Variants in FAM178B observed in about 807,000 individuals in gnomAD.
FAM178B encodes the protein family with sequence similarity 178 member B.
A neutral mutation model predicts 91.7 loss-of-function variants in FAM178B; 82 were observed. That is an observed-to-expected ratio of 0.89 (90% CI 0.75 to 1.07). The LOEUF (loss-of-function observed/expected upper bound fraction) is 1.07, where lower values mean the gene tolerates loss of function less well. Among genes scored for constraint, FAM178B ranks in the 50% least tolerant of loss-of-function variants. FAM178B has a pLI of 0.00. For synonymous variants in FAM178B, 368 were observed against 359.4 expected, an observed-to-expected ratio of 1.02 and a Z score of -0.27; for missense variants, 769 against 846.7, an observed-to-expected ratio of 0.91 and a Z score of 1.14.
At chr2:96,893,367 T>C (rs943714503) in intron 14 of FAM178B, among the ~76,000 whole-genome samples, 4 of 151,996 alleles carry the variant, frequency 2.6e-5, no homozygotes, top group African/African-American at 7.3e-5. Context: ...CTGGGGCACC[T>C]TGTTGCTCCT....
In FAM178B at chr2:96,932,128, G is replaced by A; in HGVS notation, c.1079-2808C>T. On this transcript the variant is annotated intron_variant, in intron 8 of 16. Transcript: ENST00000490605. ...CCAGGTGGGTTGGAACCTCCCGCCA[G>A]CAGCCTCAGACCCCAAGGAGGTTGT... Among the ~76,000 whole-genome samples the A allele has an allele frequency of 1.3e-5, 2 of 152,216 alleles. 1 individual carries two copies. Among genetic ancestry groups the A allele is most frequent in the Non-Finnish European group, 2.9e-5 (2 of 68,036 alleles).
chr2:96,976,034 T>A (rs948210088), intron 1 of FAM178B, among the ~76,000 whole-genome samples: 1 of 151,782 alleles, frequency 6.6e-6, no homozygotes, highest in Non-Finnish European at 1.5e-5. Context: ...ACATTCTTCC[T>A]AAGTACACAT....
chr2:96,894,400 G>C (rs57675226), intron 13 of FAM178B, among the ~76,000 whole-genome samples: 1 of 86,154 alleles, frequency 1.2e-5, no homozygotes, highest in Admixed American at 1.3e-4. Flanking sequence ...ACATACCCAG[G>C]CCTCCCACCC....
chr2:96,917,445 C>T (rs976340545), intron 12 of FAM178B, among the ~76,000 whole-genome samples: 5 of 152,140 alleles, frequency 3.3e-5, no homozygotes, highest in Admixed American at 6.5e-5. Flanking sequence ...ACAGATTCCA[C>T]AAAAGACACT....
chr2:96,895,464 G>C (rs2080803360), intron 13 of FAM178B, among the ~76,000 whole-genome samples: 1 of 152,240 alleles, frequency 6.6e-6, no homozygotes, highest in African/African-American at 2.4e-5. Flanking sequence ...AACCCCTCTG[G>C]AGGGAATGTG....
chr2:96,901,466 G>A (rs923453463), intron 13 of FAM178B, among the ~76,000 whole-genome samples: 4 of 152,018 alleles, frequency 2.6e-5, no homozygotes, highest in African/African-American at 4.8e-5. Context: ...GAGCCACCAC[G>A]CCCGGCTCAG....
At chr2:96,886,484 C>T (rs1018493635) in intron 14 of FAM178B, among the ~76,000 whole-genome samples, 3 of 152,184 alleles carry the variant, frequency 2.0e-5, no homozygotes, top group African/African-American at 7.2e-5. Flanking sequence ...GGCTGTTGAG[C>T]CTGGAGGAGG....
At position 96,907,792 on chromosome 2, in the gene FAM178B, T is replaced by C. The variant is rs999600756; in HGVS notation, c.1563-5085A>G. Among the ~76,000 whole-genome samples the C allele has an allele frequency of 3.9e-5, 6 of 152,302 alleles. No homozygotes were observed. In the East Asian group the frequency reaches 9.7e-4, roughly 25 times the overall value. ...GCTGCTGGGATGTCGGGCAGTGACATAGGCCAGCACAGCCCCTCTGGAGCC... is the reference window on the plus strand; with the variant it reads ...GCTGCTGGGATGTCGGGCAGTGACACAGGCCAGCACAGCCCCTCTGGAGCC... On this transcript the variant is annotated intron_variant, in intron 12 of 16. Coordinates refer to ENST00000490605, the MANE Select transcript of FAM178B (RefSeq NM_001122646.3).
intron 9 of FAM178B, among the ~76,000 whole-genome samples, chr2:96,926,783 C>G (rs1424643759): frequency 6.6e-6 from 1 of 152,080 alleles, no homozygotes; most frequent in African/African-American, 2.4e-5. Flanking sequence ...TAAGGAAATC[C>G]GAGATTAGGA....
intron 5 of FAM178B, among the ~76,000 whole-genome samples, chr2:96,963,622 C>T (rs558675206): frequency 6.6e-6 from 1 of 152,342 alleles, no homozygotes; most frequent in African/African-American, 2.4e-5. Context: ...ACCATAAAAA[C>T]TGGCACCAGT....
chr2:96,928,369 G>A (rs549580201), intron 9 of FAM178B, among the ~76,000 whole-genome samples: 54 of 152,254 alleles, frequency 3.5e-4, no homozygotes, highest in African/African-American at 1.3e-3. Flanking sequence ...CTTAAGCTAA[G>A]TCGCCATCCG....
chr2:96,915,028 T>C (rs115893811), intron 12 of FAM178B, among the ~76,000 whole-genome samples: 6,979 of 152,222 alleles, frequency 0.046, 195 homozygotes, highest in Middle Eastern at 0.1. Context: ...ACGGCTGTGT[T>C]TGCTGAGATG....
chr2:96,918,952 T>G (rs970508340), intron 12 of FAM178B, among the ~76,000 whole-genome samples: 15 of 152,322 alleles, frequency 9.8e-5, no homozygotes, highest in East Asian at 3.9e-4. Flanking sequence ...ACCCACGGCT[T>G]GCTCAATCGA....
chr2:96,927,075 G>A (rs143488485), intron 9 of FAM178B, among the ~76,000 whole-genome samples: 90 of 152,340 alleles, frequency 5.9e-4, no homozygotes, highest in Admixed American at 1.4e-3. Flanking sequence ...ATAGCCTGCC[G>A]TGGGGTTTCT....
At chr2:96,878,275 C>A (rs951362522) in intron 15 of FAM178B, 141 bp downstream of exon 15, 7 of 883,960 alleles carry the variant, frequency 7.9e-6, no homozygotes, top group African/African-American at 1.7e-5. Flanking sequence ...CCTGGCTCTC[C>A]CACGCTGGCT....
chr2:96,881,394 C>A (rs918078758), intron 14 of FAM178B, among the ~76,000 whole-genome samples: 1 of 151,896 alleles, frequency 6.6e-6, no homozygotes, highest in Non-Finnish European at 1.5e-5. Flanking sequence ...TCACTGAGGA[C>A]AGCTGGGGAA....
intron 4 of FAM178B, 96 bp from the exon 5 acceptor site, chr2:96,967,723 A>G (rs1298560088): frequency 8.4e-6 from 7 of 832,444 alleles, no homozygotes; most frequent in African/African-American, 8.4e-5. Flanking sequence ...ACACAGCAAG[A>G]CCAGAGGGCT....
chr2:96,972,359 A>G, intron 2 of FAM178B, 37 bp from the exon 3 acceptor site: 1 of 1,464,534 alleles, frequency 6.8e-7, no homozygotes, highest in East Asian at 2.5e-5. Context: ...CCCTCTGCCC[A>G]CCTGCCACTG....
intron 8 of FAM178B, among the ~76,000 whole-genome samples, chr2:96,930,546 G>A (rs1483178253): frequency 2.6e-5 from 4 of 152,250 alleles, no homozygotes; most frequent in East Asian, 3.9e-4. Context: ...GGTAGAACAG[G>A]AGTCCCACGA....
Sources: allele counts gnomAD v4.1 joint callset (sites outside exome capture counted in the v4.1 genomes callset), GRCh38; gene constraint gnomAD v4.1.1; transcripts MANE v1.5; gene names NCBI Gene and HGNC (gene_info 2026-07-23, HGNC 2026-07-21).